VPS13C: variants seen among roughly 807,000 people sequenced by gnomAD.
VPS13C encodes intermembrane lipid transfer protein VPS13C.
Under a neutral mutation model 456.8 loss-of-function variants are expected in VPS13C, and 358 were observed. The observed-to-expected ratio is 0.78, with a 90% CI of 0.72 to 0.86. The LOEUF (loss-of-function observed/expected upper bound fraction) is 0.86, where lower values mean the gene tolerates loss of function less well. Among genes scored for constraint, VPS13C ranks in the 40% least tolerant of loss-of-function variants. VPS13C has a pLI of 0.00. For missense variants in VPS13C, 4,818 were observed against 4,385.4 expected (o/e 1.10, Z -2.79); for synonymous variants, 1,578 against 1,486.7 (o/e 1.06, Z -1.41).
chr15:62,004,774 A>G (rs1453356200), intron 15 of VPS13C, among the ~76,000 whole-genome samples: 13 of 150,110 alleles, frequency 8.7e-5, no homozygotes, highest in African/African-American at 3.2e-4. Flanking sequence ...TCATTTCGTT[A>G]TGTACCCAGT....
At chr15:61,905,883 T>A (rs1402870337) in intron 66 of VPS13C, among the ~76,000 whole-genome samples, 3 of 152,126 alleles carry the variant, frequency 2.0e-5, no homozygotes, top group Admixed American at 1.3e-4. Context: ...CATTTTGCTG[T>A]CTTTATCTTT....
At chr15:61,987,627 G>A (rs1002800155) in intron 18 of VPS13C, among the ~76,000 whole-genome samples, 2 of 152,088 alleles carry the variant, frequency 1.3e-5, no homozygotes, top group African/African-American at 4.8e-5. Context: ...TCTGGGAGAG[G>A]ACACAAAAAC....
At chr15:61,943,168 A>G (rs1358443812) in intron 45 of VPS13C, among the ~76,000 whole-genome samples, 2 of 152,210 alleles carry the variant, frequency 1.3e-5, no homozygotes, top group Non-Finnish European at 2.9e-5. Context: ...TACAAGAATC[A>G]ATATTGTTAA....
chr15:61,874,854 T>A, intron 77 of VPS13C, 22 bp downstream of exon 77: 1 of 1,555,894 alleles, frequency 6.4e-7, no homozygotes, highest in East Asian at 2.3e-5. Flanking sequence ...TATACACATA[T>A]ACACAAATAT....
chr15:61,984,122 T>G, intron 19 of VPS13C, 110 bp from the exon 20 acceptor site: 1 of 955,630 alleles, frequency 1.0e-6, no homozygotes, highest in South Asian at 1.7e-5. Flanking sequence ...GGACCATCCA[T>G]GCACATTATC....
intron 13 of VPS13C, among the ~76,000 whole-genome samples, chr15:62,009,943 T>TG (rs1377817206): frequency 1.3e-5 from 2 of 152,116 alleles, no homozygotes; most frequent in East Asian, 3.8e-4. Flanking sequence ...ATCCCAGCAC[T>TG]CTGGGAGGCC....
In VPS13C at chr15:61,899,532, G is replaced by A. The variant is rs370491239; in HGVS notation, c.9105+7732C>T. 1.0e-3 allele frequency among the ~76,000 whole-genome samples: 159 copies of A among 151,546 alleles called. 2 individuals are homozygous for A. The East Asian group carries it at 0.019, about 18-fold the overall frequency. ...TCTAGAAGAAATGGATAAATTCCTCGACACATACACTCTCCCAAGACTAAA... is the reference window on the plus strand; with the variant it reads ...TCTAGAAGAAATGGATAAATTCCTCAACACATACACTCTCCCAAGACTAAA... On this transcript the variant is annotated intron_variant, in intron 66 of 84. Coordinates refer to ENST00000644861, the MANE Select transcript of VPS13C (RefSeq NM_020821.3).
rs762825592 is a variant in VPS13C at position 61,882,705 on chromosome 15, C to T, written c.9515G>A (p.Arg3172His). The T allele has an allele frequency of 1.4e-5, 22 of 1,587,648 alleles. No individual in the cohort carries two copies. Among genetic ancestry groups the T allele is most frequent in the Admixed American group, 3.6e-5 (2 of 56,270 alleles). Reference protein sequence around the residue: ...VNFDKDPMEMRLPIRSPIKRD... With the variant: ...VNFDKDPMEMHLPIRSPIKRD... ...TTTAATAGGGCTACGAATAGGGAGGCGCATTTCCATTGGATCTTTATCAAA... is the reference window on the plus strand; with the variant it reads ...TTTAATAGGGCTACGAATAGGGAGGTGCATTTCCATTGGATCTTTATCAAA... The change falls in exon 69 of 85, where the codon CGC becomes CAC. Residue 3172 changes from arginine (R) to histidine (H), a missense_variant. Arg to His is a conservative substitution (Grantham distance 29). Around this residue, in one of 3 missense-constraint regions of VPS13C, gnomAD observed 4,552 missense variants for 4,130.6 expected, o/e 1.10. Transcript: ENST00000644861.
intron 45 of VPS13C, 56 bp from the exon 46 acceptor site, chr15:61,942,123 A>T: frequency 6.9e-7 from 1 of 1,453,786 alleles, no homozygotes. Context: ...TAAAAGAAAA[A>T]ACTTTAAAAA....
chr15:61,880,916 AT>A lies in VPS13C; in HGVS notation c.9814del (p.Ile3272LeufsTer6). The A allele has an allele frequency of 6.2e-7, 1 of 1,610,218 alleles. No individual in the cohort carries two copies. The highest frequency in any genetic ancestry group is 8.5e-7 in the Non-Finnish European group (1 of 1,178,278). ...MVLIQEMALK[I>X]DQGFLGAIIA... ...AATAGCTCCTAGAAACCCTTGATCA[AT>A]TTTTAAGGCCATTTCCTGAATGAGG... is the stretch of plus-strand genomic sequence containing the variant. On this transcript the variant is annotated frameshift_variant, in exon 72 of 85. Transcript: ENST00000644861. LOFTEE classifies it high-confidence loss of function.
Position 61,922,514 on chromosome 15 carries a change from G to A in VPS13C, c.6858C>T (p.Thr2286=), listed in dbSNP as rs914515650. 1.5e-5 allele frequency: 24 copies of A among 1,614,000 alleles called. No individual in the cohort carries two copies. The highest frequency in any genetic ancestry group is 1.9e-5 in the Non-Finnish European group (23 of 1,179,946). Residue 2286 remains threonine (T), a synonymous_variant, in exon 54 of 85, where the codon ACC becomes ACT. Transcript: ENST00000644861. ...CGVVVESIQV[T]LECGLGHRTV... The stretch of plus-strand genomic sequence containing the variant: ...TTCGATGTCCAAGGCCACATTCTAA[G>A]GTAACTTGAATGGATTCTACAACAA...
rs3809516 is a variant in VPS13C, at chr15:61,880,778, G to T, written c.9889-56C>A. ...TTAATTTTTTTCTCTATTAGAATTCGTTCAAAAGAGGCTGATTTAAATTTT... is the reference window on the plus strand; with the variant it reads ...TTAATTTTTTTCTCTATTAGAATTCTTTCAAAAGAGGCTGATTTAAATTTT... On this transcript the variant is annotated intron_variant, in intron 72 of 84. Coordinates refer to ENST00000644861, the MANE Select transcript of VPS13C (RefSeq NM_020821.3). 68,452 of 1,538,632 alleles carry T rather than the reference G, an allele frequency of 0.044. 3,230 individuals are homozygous for T. The highest frequency in any genetic ancestry group is 0.21 in the East Asian group (9,257 of 43,504).
In VPS13C at chr15:61,952,835, C is replaced by T. The variant is rs572547814; in HGVS notation, c.4300-855G>A. Among the ~76,000 whole-genome samples, 7 of 152,096 alleles carry T rather than the reference C, an allele frequency of 4.6e-5. No individual in the cohort carries two copies. In the East Asian group the frequency reaches 1.4e-3, roughly 29 times the overall value. ...CTGGGCTCAAGCGATCCTCCTGCTT[C>T]CCAAGTAGCCAGGACTAAAGGCACA... is the stretch of plus-strand genomic sequence containing the variant. On this transcript the variant is annotated intron_variant, in intron 38 of 84. Coordinates refer to ENST00000644861, the MANE Select transcript of VPS13C (RefSeq NM_020821.3).
chr15:62,040,317 T>C (rs528937861), intron 3 of VPS13C, among the ~76,000 whole-genome samples: 12 of 152,140 alleles, frequency 7.9e-5, no homozygotes, highest in East Asian at 1.9e-4. Flanking sequence ...TCAATAATAA[T>C]TGATTGCACA....
At chr15:61,865,996 T>C (rs1427478437) in intron 81 of VPS13C, 43 of 983,556 alleles carry the variant, frequency 4.4e-5, no homozygotes, top group Non-Finnish European at 5.1e-5. Context: ...TAAAAAGATA[T>C]ACTTTTATAC....
At chr15:61,972,085 CA>C (rs1393019227) in intron 27 of VPS13C, among the ~76,000 whole-genome samples, 2 of 152,078 alleles carry the variant, frequency 1.3e-5, no homozygotes, top group Non-Finnish European at 2.9e-5. Flanking sequence ...TCAAAGAAAA[CA>C]TATAAATATA....
rs2047709217 is a variant in VPS13C, at chr15:62,028,418, T to C, written c.388A>G (p.Thr130Ala). Reference sequence around the variant, plus strand: ...CCATATATGAACTCCCCTGAATGTGTGCCTGCATCCCACATGGCAGCAATA... The same window carrying C: ...CCATATATGAACTCCCCTGAATGTGCGCCTGCATCCCACATGGCAGCAATA... ...EALQKAAEKG[T>A]HSGEFIYGLE... Residue 130 changes from threonine to alanine, a missense_variant and splice_region_variant, in exon 6 of 85, where the codon ACA (threonine) becomes GCA (alanine). Physicochemically the swap from Thr to Ala is moderately conservative, Grantham distance 58. Coordinates refer to ENST00000644861, the MANE Select transcript of VPS13C (RefSeq NM_020821.3). 1 of 1,612,920 alleles carries C rather than the reference T, an allele frequency of 6.2e-7. No individual in the cohort carries two copies. Among genetic ancestry groups the C allele is most frequent in the Non-Finnish European group, 8.5e-7 (1 of 1,179,194 alleles).
chr15:61,900,134 T>A (rs576532558), intron 66 of VPS13C, among the ~76,000 whole-genome samples: 1 of 152,244 alleles, frequency 6.6e-6, no homozygotes, highest in East Asian at 1.9e-4. Flanking sequence ...AAGCTATCTA[T>A]GACAAACCCA....
rs182444482 is a variant in VPS13C, at chr15:62,030,739, C to T, written c.386-2319G>A. Among the ~76,000 whole-genome samples, 26 of 152,130 alleles carry T rather than the reference C, an allele frequency of 1.7e-4. No individual in the cohort carries two copies. In the East Asian group the frequency reaches 3.9e-3, roughly 23 times the overall value. On this transcript the variant is annotated intron_variant, in intron 5 of 84. Coordinates refer to ENST00000644861, the MANE Select transcript of VPS13C (RefSeq NM_020821.3). ...GCAAGGAGATAGTAAGAGAAGTAAA[C>T]TCCGTGACTACCATAACAGGAAGTC...
Sources: allele counts gnomAD v4.1 joint callset (sites outside exome capture counted in the v4.1 genomes callset), GRCh38; gene constraint gnomAD v4.1.1; regional missense constraint gnomAD v4.1.1; transcripts MANE v1.5; gene names NCBI Gene and HGNC (gene_info 2026-07-23, HGNC 2026-07-21).